NAV1: variants seen among roughly 807,000 people sequenced by gnomAD.
The protein encoded by NAV1 is neuron navigator 1, also known as pore membrane and/or filament interacting like protein 3.
NAV1 carries 18 observed loss-of-function variants against 175.2 expected under a neutral mutation model. The observed-to-expected ratio is 0.10, with a 90% CI of 0.07 to 0.15. NAV1 has a LOEUF of 0.15. NAV1 is among the 10% of genes least tolerant of loss of function. The pLI is 1.00. For synonymous variants in NAV1, 897 were observed against 978.7 expected, an observed-to-expected ratio of 0.92 and a Z score of 1.56; for missense variants, 1,731 against 2,436.6, an observed-to-expected ratio of 0.71 and a Z score of 6.10.
chr1:201,812,321 T>A lies in NAV1; in HGVS notation c.5025-144T>A. The A allele has an allele frequency of 1.3e-6, 1 of 789,354 alleles. No individual in the cohort carries two copies. Among genetic ancestry groups the A allele is most frequent in the Non-Finnish European group, 2.0e-6 (1 of 497,114 alleles). The allele number at this position is 789,354 out of a possible 1,614,324, so 48.9% of individuals were successfully genotyped here. ...CCACCCCAGGGCTGCTGCTCTGAGT[T>A]CCGATGTCCCCACTATTACTTGAAA... On this transcript the variant is annotated intron_variant, in intron 26 of 29. Coordinates refer to ENST00000367296, the Ensembl canonical transcript of NAV1. The surrounding 1 kb of genome is among the most constrained non-coding windows in gnomAD (Gnocchi z 4.6).
intron 1 of NAV1, among the ~76,000 whole-genome samples, chr1:201,626,393 C>A (rs1453898517): frequency 6.6e-6 from 1 of 152,216 alleles, no homozygotes; most frequent in Non-Finnish European, 1.5e-5. Flanking sequence ...GCCTGACCTG[C>A]TTCTCCAGGG....
At chr1:201,783,762 C>T (rs776408144) in exon 7 of NAV1, 1 of 1,614,190 alleles carries the variant, frequency 6.2e-7, no homozygotes, top group Non-Finnish European at 8.5e-7. Flanking sequence ...ACTCCCGTCC[C>T]CACCCCACCT....
In NAV1 at chr1:201,642,167, C is replaced by CCGTCCTT. The variant is rs1668780257; in HGVS notation, c.5-6466_5-6465insGTCCTTC. On this transcript the variant is annotated intron_variant, in intron 2 of 29. Coordinates refer to the NAV1 transcript ENST00000367302. The stretch of plus-strand genomic sequence containing the variant: ...CCTTCTTTTTCTTTCTCTCTCCCCT[C>CCGTCCTT]CCTTCCTTCCTTCCTTCCTTCCCTC... Among the ~76,000 whole-genome samples the CCGTCCTT allele has an allele frequency of 5.6e-3, 645 of 116,178 alleles. 8 individuals are homozygous for CCGTCCTT. The highest frequency in any genetic ancestry group is 0.022 in the African/African-American group (591 of 27,416). The allele number at this position is 116,178 out of a possible 152,430, so 76.2% of individuals were successfully genotyped here. A position where few individuals can be genotyped will look rare whatever the true frequency, so the allele number is the denominator to read the frequency against.
intron 2 of NAV1, 56 bp downstream of exon 6, chr1:201,712,975 A>G: frequency 1.5e-6 from 2 of 1,375,108 alleles, no homozygotes; most frequent in South Asian, 2.3e-5. Flanking sequence ...TCTCCACCCC[A>G]TTCTGGAGGG....
chr1:201,818,329 C>G (rs920265306), intron 29 of NAV1, among the ~76,000 whole-genome samples: 3 of 151,910 alleles, frequency 2.0e-5, no homozygotes, highest in Admixed American at 6.6e-5. Flanking sequence ...GAGATTGAGA[C>G]CATCCTGGCC....
chr1:201,678,005 C>G lies in NAV1; in HGVS notation c.757+28580C>G, dbSNP rs75745471. On this transcript the variant is annotated intron_variant, in intron 1 of 29. Coordinates refer to ENST00000367296, the Ensembl canonical transcript of NAV1. ...TCTGCTTCCTATTCTGTCCAATGTC[C>G]CCGAAGTTTAGAGTTTTGAAACCTG... 2.4e-3 allele frequency among the ~76,000 whole-genome samples: 364 copies of G among 152,220 alleles called. 2 individuals are homozygous for G. The East Asian group carries it at 0.038, about 16-fold the overall frequency.
At chr1:201,688,728 G>A (rs371633796) in intron 1 of NAV1, among the ~76,000 whole-genome samples, 2 of 152,340 alleles carry the variant, frequency 1.3e-5, no homozygotes, top group East Asian at 1.9e-4. Flanking sequence ...TATTCTGTCC[G>A]ATAATCGTCT....
At chr1:201,631,027 G>A (rs1011969372) in intron 2 of NAV1, among the ~76,000 whole-genome samples, 10 of 152,186 alleles carry the variant, frequency 6.6e-5, no homozygotes, top group African/African-American at 2.4e-4. Flanking sequence ...ACCCTCACTG[G>A]TTAGATGTGA....
intron 2 of NAV1, among the ~76,000 whole-genome samples, chr1:201,594,683 G>A (rs1298504074): frequency 6.6e-6 from 1 of 152,206 alleles, no homozygotes; most frequent in African/African-American, 2.4e-5. Context: ...GGGTCGTGAG[G>A]TGAAGTGAGT....
At chr1:201,602,249 G>T (rs182729054) in intron 2 of NAV1, among the ~76,000 whole-genome samples, 1 of 152,284 alleles carries the variant, frequency 6.6e-6, no homozygotes, top group East Asian at 1.9e-4. Context: ...TCTTCCCAGG[G>T]CAGGAGAAAA....
Position 201,808,361 on chromosome 1 carries a change from C to T in NAV1, c.3846-57C>T. 3.9e-6 allele frequency: 6 copies of T among 1,543,102 alleles called. No individual in the cohort carries two copies. Among genetic ancestry groups the T allele is most frequent in the Non-Finnish European group, 5.2e-6 (6 of 1,143,516 alleles). On this transcript the variant is annotated intron_variant, in intron 18 of 29. Transcript: ENST00000367296. The surrounding 1 kb of genome is among the most constrained non-coding windows in gnomAD (Gnocchi z 5.5). Reference sequence around the variant, plus strand: ...ACCACCAACCATGCCTCTCAATATTCTCTAGTAACTCTAGTGCTTCTTCAT... The same window carrying T: ...ACCACCAACCATGCCTCTCAATATTTTCTAGTAACTCTAGTGCTTCTTCAT...
chr1:201,573,367 T>C (rs1666603609), intron 1 of NAV1, among the ~76,000 whole-genome samples: 1 of 152,218 alleles, frequency 6.6e-6, no homozygotes, highest in Non-Finnish European at 1.5e-5. Flanking sequence ...TTCACACTTT[T>C]TCAAGGGGAA....
At chr1:201,736,126 C>G (rs1278718667) in intron 3 of NAV1, among the ~76,000 whole-genome samples, 1 of 152,162 alleles carries the variant, frequency 6.6e-6, no homozygotes, top group Admixed American at 6.5e-5. Context: ...CTCTGACTGG[C>G]CAAAACTTGT....
At chr1:201,753,039 G>A (rs1674229656) in intron 3 of NAV1, among the ~76,000 whole-genome samples, 1 of 152,144 alleles carries the variant, frequency 6.6e-6, no homozygotes. Flanking sequence ...AGGTTACCTT[G>A]TATAGTATCT....
chr1:201,817,430 T>A (rs966817271), intron 29 of NAV1, 145 bp downstream of exon 33: 14 of 665,526 alleles, frequency 2.1e-5, no homozygotes, highest in Non-Finnish European at 3.3e-5. Flanking sequence ...CTGGGCAACA[T>A]AATGAGACCC....
intron 3 of NAV1, among the ~76,000 whole-genome samples, chr1:201,765,549 C>CGG (rs1422570128): frequency 2.6e-5 from 4 of 151,988 alleles, no homozygotes; most frequent in Admixed American, 2.6e-4. Flanking sequence ...CGCGTGCCAC[C>CGG]ACACCTAGCT....
chr1:201,695,652 C>T (rs900873972), intron 1 of NAV1, among the ~76,000 whole-genome samples: 11 of 152,234 alleles, frequency 7.2e-5, no homozygotes, highest in African/African-American at 2.7e-4. Flanking sequence ...CAGCATGGTG[C>T]CTGGGCCACC....
chr1:201,678,581 C>T (rs1670349974), intron 1 of NAV1, among the ~76,000 whole-genome samples: 1 of 152,188 alleles, frequency 6.6e-6, no homozygotes, highest in Non-Finnish European at 1.5e-5. Context: ...CTAGTAACTT[C>T]AGCCCCTTCA....
chr1:201,765,137 T>A (rs1057164306), intron 3 of NAV1, among the ~76,000 whole-genome samples: 1 of 152,182 alleles, frequency 6.6e-6, no homozygotes, highest in Non-Finnish European at 1.5e-5. Flanking sequence ...ATAACAGAAG[T>A]CCTTTCTCTA....
Sources: gnomAD v4.1 joint callset for allele counts (sites outside exome capture counted in the v4.1 genomes callset) on GRCh38, gnomAD v4.1.1 for gene constraint, Gnocchi (gnomAD v3.1) non-coding constraint, MANE v1.5 for transcripts, NCBI Gene and HGNC (gene_info 2026-07-23, HGNC 2026-07-21) for gene names.